Variants in MID1 observed in about 807,000 individuals in gnomAD.
MID1 encodes the protein E3 ubiquitin-protein ligase Midline-1.
MID1 carries 7 observed loss-of-function variants against 40.4 expected under a neutral mutation model. The ratio of observed to expected loss-of-function variants is 0.17; its 90% CI spans 0.10 to 0.33. The LOEUF is 0.33. MID1 is among the 10% of genes least tolerant of loss of function. The probability of loss-of-function intolerance (pLI) is 1.00; values close to 1 mark genes in which losing one functional copy is unlikely to be tolerated. For synonymous variants in MID1, 229 were observed against 221.2 expected, an observed-to-expected ratio of 1.04 and a Z score of -0.31; for missense variants, 367 against 558.5, an observed-to-expected ratio of 0.66 and a Z score of 3.46.
chrX:10,732,258 C>T, intron 1 of MID1, among the ~76,000 whole-genome samples: 1 of 111,369 alleles, frequency 9.0e-6, no homozygotes, highest in Non-Finnish European at 1.9e-5. Flanking sequence ...ATAAGCTTAA[C>T]CTTTTTAAAA....
rs184374184 is a variant in MID1 at position 10,445,952 on chromosome X, G to A, written c.*3416C>T. 6.3e-5 allele frequency: 7 copies of A among 111,396 alleles called. No individual in the cohort carries two copies. The highest frequency in any genetic ancestry group is 2.8e-4 in the East Asian group (1 of 3,548). The allele number at this position is 111,396 out of a possible 1,213,427, so 9.2% of individuals were successfully genotyped here. A position where few individuals can be genotyped will look rare whatever the true frequency, so the allele number is the denominator to read the frequency against. On this transcript the variant is annotated 3_prime_UTR_variant, in exon 10 of 10. Transcript: ENST00000317552. ...AGTTTTGCATTAAAAGAAAACCAACGATCAAGTTTCTACACTGCAGCACTG... is the reference window on the plus strand; with the variant it reads ...AGTTTTGCATTAAAAGAAAACCAACAATCAAGTTTCTACACTGCAGCACTG...
intron 1 of MID1, among the ~76,000 whole-genome samples, chrX:10,814,663 A>T (rs1454142477): frequency 9.1e-6 from 1 of 110,329 alleles, no homozygotes; most frequent in Non-Finnish European, 1.9e-5. Flanking sequence ...CACTGCAAAG[A>T]TCCCTGTGTT....
intron 1 of MID1, among the ~76,000 whole-genome samples, chrX:10,661,376 G>A (rs772204088): frequency 4.6e-5 from 5 of 107,922 alleles, no homozygotes; most frequent in East Asian, 2.9e-4. Flanking sequence ...GCAGTGGTGC[G>A]ATCTCGGCTC....
At chrX:10,629,322 C>T (rs973492347) in intron 1 of MID1, among the ~76,000 whole-genome samples, 2 of 110,378 alleles carry the variant, frequency 1.8e-5, no homozygotes, top group Non-Finnish European at 3.8e-5. Context: ...CTCAGCCACT[C>T]TAGTGGCTGG....
chrX:10,772,338 C>T (rs2043776286), intron 1 of MID1, among the ~76,000 whole-genome samples: 1 of 110,472 alleles, frequency 9.1e-6, no homozygotes, highest in African/African-American at 3.3e-5. Flanking sequence ...TATGCTCTCA[C>T]TCATAAATGG....
rs370405975 is a variant in MID1 at position 10,557,165 on chromosome X, A to T, written c.660+9723T>A. Among the ~76,000 whole-genome samples, 9 of 108,946 alleles carry T rather than the reference A, an allele frequency of 8.3e-5. No homozygotes were observed. The East Asian group carries it at 2.0e-3, about 25-fold the overall frequency. The allele number at this position is 108,946 out of a possible 115,157, so 94.6% of individuals were successfully genotyped here. ...GAAGTCTGGCCCTTCAAGATGGCCAAATCTACACTGGCTCAGCTATAGAAA... is the reference window on the plus strand; with the variant it reads ...GAAGTCTGGCCCTTCAAGATGGCCATATCTACACTGGCTCAGCTATAGAAA... On this transcript the variant is annotated intron_variant, in intron 2 of 9. Transcript: ENST00000317552.
At chrX:10,570,832 G>A (rs182442405) in intron 1 of MID1, among the ~76,000 whole-genome samples, 1 of 112,634 alleles carries the variant, frequency 8.9e-6, no homozygotes, top group East Asian at 2.8e-4. Context: ...TCACAGGCCA[G>A]CATTGGCCTG....
chrX:10,575,225 T>A (rs1324403448), intron 1 of MID1, among the ~76,000 whole-genome samples: 1 of 110,142 alleles, frequency 9.1e-6, no homozygotes, highest in East Asian at 2.8e-4. Context: ...TGCTATGAGA[T>A]TATCTTTATT....
chrX:10,816,875 G>C (rs912507732), intron 1 of MID1, among the ~76,000 whole-genome samples: 1 of 111,947 alleles, frequency 8.9e-6, no homozygotes, highest in Non-Finnish European at 1.9e-5. Flanking sequence ...CCTTTCAAAA[G>C]GGTTTGTCAT....
At position 10,544,279 on chromosome X, in the gene MID1, GCC is replaced by G. The variant is rs1489202795; in HGVS notation, c.661-21094_661-21093del. Among the ~76,000 whole-genome samples the G allele has an allele frequency of 5.5e-4, 61 of 110,239 alleles. 1 individual carries two copies. Among genetic ancestry groups the G allele is most frequent in the African/African-American group, 1.9e-3 (58 of 30,248 alleles). Reference sequence around the variant, plus strand: ...TTGCACTGGTTTAACAGATTGAGATGCCAAAGACTTAGTGCATCAAAGGGAAA... The same window carrying G: ...TTGCACTGGTTTAACAGATTGAGATGAAAGACTTAGTGCATCAAAGGGAAA... On this transcript the variant is annotated intron_variant, in intron 2 of 9. Transcript: ENST00000317552.
intron 2 of MID1, among the ~76,000 whole-genome samples, chrX:10,532,704 C>G: frequency 9.0e-6 from 1 of 111,437 alleles, no homozygotes. Context: ...GGTTGGCAAA[C>G]TATGGTTGGT....
At chrX:10,604,108 A>G (rs1391623668) in intron 1 of MID1, among the ~76,000 whole-genome samples, 1 of 111,893 alleles carries the variant, frequency 8.9e-6, no homozygotes, top group Non-Finnish European at 1.9e-5. Context: ...ATTAGTTAAC[A>G]TTTATAGTTA....
chrX:10,545,486 T>A (rs1933647646), intron 2 of MID1, among the ~76,000 whole-genome samples: 1 of 111,899 alleles, frequency 8.9e-6, no homozygotes, highest in African/African-American at 3.3e-5. Context: ...GAAGGTATTT[T>A]TGGGAGCCTG....
chrX:10,650,273 CA>C (rs1317518667), intron 1 of MID1, among the ~76,000 whole-genome samples: 3 of 110,492 alleles, frequency 2.7e-5, no homozygotes, highest in African/African-American at 9.9e-5. Flanking sequence ...CTTTAGAAAT[CA>C]ACAGATAAAA....
chrX:10,476,649 C>T (rs1440379906), intron 5 of MID1, among the ~76,000 whole-genome samples: 1 of 111,584 alleles, frequency 9.0e-6, no homozygotes, highest in Non-Finnish European at 1.9e-5. Context: ...TGTAATGATA[C>T]TGGGATTGAA....
At chrX:10,476,184 G>A (rs1391889507) in intron 5 of MID1, among the ~76,000 whole-genome samples, 1 of 111,789 alleles carries the variant, frequency 8.9e-6, no homozygotes, top group African/African-American at 3.3e-5. Flanking sequence ...TAAAGACAGG[G>A]AGTAGATTGG....
intron 1 of MID1, among the ~76,000 whole-genome samples, chrX:10,773,933 T>C (rs765834771): frequency 1.5e-4 from 17 of 112,129 alleles, no homozygotes; most frequent in African/African-American, 5.2e-4. Flanking sequence ...CTCTGGAACC[T>C]CCATATCTAA....
chrX:10,666,156 G>A (rs1166105707), intron 1 of MID1, among the ~76,000 whole-genome samples: 3 of 111,064 alleles, frequency 2.7e-5, no homozygotes, highest in Non-Finnish European at 5.7e-5. Flanking sequence ...ATAAGACAAA[G>A]GTCAAAGTGG....
intron 1 of MID1, among the ~76,000 whole-genome samples, chrX:10,819,668 A>C (rs2044162111): frequency 8.9e-6 from 1 of 111,926 alleles, no homozygotes. Flanking sequence ...TCTCCCAATT[A>C]GTTCTTGTCT....
Sources: gnomAD v4.1 joint callset for allele counts (sites outside exome capture counted in the v4.1 genomes callset) on GRCh38, gnomAD v4.1.1 for gene constraint, MANE v1.5 for transcripts, NCBI Gene and HGNC (gene_info 2026-07-23, HGNC 2026-07-21) for gene names.